CBX1: variants seen among roughly 807,000 people sequenced by gnomAD.
CBX1 encodes the protein chromobox protein homolog 1.
A neutral mutation model predicts 25.1 loss-of-function variants in CBX1; 10 were observed. That is an observed-to-expected ratio of 0.40 (90% CI 0.25 to 0.68). CBX1 has a LOEUF of 0.68. Among genes scored for constraint, CBX1 ranks in the 30% least tolerant of loss-of-function variants. The pLI, the probability that CBX1 is intolerant of heterozygous loss-of-function variation, is 0.40. For missense variants in CBX1, 106 were observed against 218.5 expected, an observed-to-expected ratio of 0.49 and a Z score of 3.25; for synonymous variants, 63 against 79.4, an observed-to-expected ratio of 0.79 and a Z score of 1.10.
intron 1 of CBX1, among the ~76,000 whole-genome samples, chr17:48,098,529 C>T (rs1312637272): frequency 6.6e-6 from 1 of 152,152 alleles, no homozygotes; most frequent in Non-Finnish European, 1.5e-5. Flanking sequence ...CAGAGTTTCG[C>T]TCTTGTTGCC....
intron 1 of CBX1, chr17:48,088,136 C>T (rs1352984665): frequency 1.3e-5 from 2 of 151,562 alleles, no homozygotes; most frequent in Admixed American, 1.3e-4. Flanking sequence ...TAGTGAAACC[C>T]CCATCTCTAC....
intron 1 of CBX1, among the ~76,000 whole-genome samples, chr17:48,086,238 A>T (rs1216408275): frequency 6.6e-6 from 1 of 152,184 alleles, no homozygotes; most frequent in Non-Finnish European, 1.5e-5. Context: ...TGCACTGAGG[A>T]GCTAGAAAAT....
chr17:48,076,854 G>A lies in CBX1; in HGVS notation c.140+11C>T, dbSNP rs778281950. The A allele has an allele frequency of 8.7e-6, 14 of 1,606,790 alleles. No individual in the cohort carries two copies. Among genetic ancestry groups the A allele is most frequent in the South Asian group, 1.1e-5 (1 of 90,154 alleles). ...GTGGTGGCTACATTTACCTGTGTCA[G>A]TGAAACTTACTCTGAGAATCCCTTC... On this transcript the variant is annotated intron_variant, in intron 2 of 4. Transcript: ENST00000225603.
At position 48,071,413 on chromosome 17, in the gene CBX1, CAG is replaced by C. The variant is rs746125356; in HGVS notation, c.*20_*21del. The C allele has an allele frequency of 1.3e-5, 20 of 1,587,478 alleles. No individual in the cohort carries two copies. Among genetic ancestry groups the C allele is most frequent in the South Asian group, 5.7e-5 (5 of 87,058 alleles). On this transcript the variant is annotated 3_prime_UTR_variant, in exon 5 of 5. Coordinates refer to ENST00000225603, the MANE Select transcript of CBX1 (RefSeq NM_001127228.2). ...ACTTGAAACCCACAGTCAGATGTGA[CAG>C]GGGCTGGTACTCAGGAGCGTTAGTT...
chr17:48,098,450 G>A (rs1419867062), intron 1 of CBX1, among the ~76,000 whole-genome samples: 1 of 152,104 alleles, frequency 6.6e-6, no homozygotes, highest in African/African-American at 2.4e-5. Context: ...AATCTGAACG[G>A]CCTACTATGT....
intron 1 of CBX1, among the ~76,000 whole-genome samples, chr17:48,088,983 C>T (rs910086260): frequency 6.6e-6 from 1 of 151,590 alleles, no homozygotes; most frequent in Non-Finnish European, 1.5e-5. Context: ...CAATAAAACA[C>T]AAAACAAAAC....
At chr17:48,096,736 C>T (rs1431329738) in intron 1 of CBX1, among the ~76,000 whole-genome samples, 1 of 151,760 alleles carries the variant, frequency 6.6e-6, no homozygotes, top group Non-Finnish European at 1.5e-5. Flanking sequence ...GTGGAGTGCA[C>T]CACTGCACTC....
chr17:48,076,821 A>AT (rs1358104941), intron 2 of CBX1, 44 bp downstream of exon 2: 1 of 1,577,812 alleles, frequency 6.3e-7, no homozygotes, highest in African/African-American at 1.3e-5. Flanking sequence ...TAGACTCCTG[A>AT]TAAACACGTG....
At position 48,076,901 on chromosome 17, in the gene CBX1, T is replaced by C; in HGVS notation, c.104A>G (p.Lys35Arg). 1.9e-6 allele frequency: 3 copies of C among 1,613,104 alleles called. No homozygotes were observed. Among genetic ancestry groups the C allele is most frequent in the Middle Eastern group, 1.8e-4 (1 of 5,522 alleles). ...KVLDRRVVKG[K>R]VEYLLKWKGF... Reference sequence around the variant, plus strand: ...CTTCCACTTTAGGAGGTACTCCACTTTGCCCTTTACCACTCGACGGTCGAG... The same window carrying C: ...CTTCCACTTTAGGAGGTACTCCACTCTGCCCTTTACCACTCGACGGTCGAG... The change falls in exon 2 of 5, where the codon AAA (lysine) becomes AGA (arginine). Residue 35 changes from lysine (K) to arginine (R), a missense_variant. Coordinates refer to ENST00000225603, the MANE Select transcript of CBX1 (RefSeq NM_001127228.2).
intron 1 of CBX1, among the ~76,000 whole-genome samples, chr17:48,085,544 G>T (rs780515316): frequency 2.1e-5 from 3 of 141,132 alleles, no homozygotes; most frequent in Non-Finnish European, 3.0e-5. Flanking sequence ...AAAAGACCTT[G>T]AAAGGTATGG....
chr17:48,092,216 C>T lies in CBX1; in HGVS notation c.-38+9052G>A, dbSNP rs996535709. 4.0e-5 allele frequency among the ~76,000 whole-genome samples: 6 copies of T among 151,834 alleles called. No individual in the cohort carries two copies. The East Asian group carries it at 1.2e-3, about 30-fold the overall frequency. On this transcript the variant is annotated intron_variant, in intron 1 of 4. Coordinates refer to ENST00000225603, the MANE Select transcript of CBX1 (RefSeq NM_001127228.2). ...TGTTGGTCAGGCTGGTCTCGAACTC[C>T]TGACCTCGGGTAATCTGCCCGCCTC...
intron 1 of CBX1, among the ~76,000 whole-genome samples, chr17:48,080,783 T>C (rs2037722422): frequency 6.6e-6 from 1 of 150,444 alleles, no homozygotes; most frequent in African/African-American, 2.4e-5. Flanking sequence ...TAGCTGGGTA[T>C]GGTGGCGCTC....
intron 1 of CBX1, among the ~76,000 whole-genome samples, chr17:48,095,210 A>G (rs2063367247): frequency 6.6e-6 from 1 of 152,132 alleles, no homozygotes; most frequent in Non-Finnish European, 1.5e-5. Flanking sequence ...TTCCCAAAGC[A>G]TTCTGTTTCT....
At chr17:48,096,138 C>CA (rs1437997717) in intron 1 of CBX1, among the ~76,000 whole-genome samples, 2 of 152,188 alleles carry the variant, frequency 1.3e-5, no homozygotes, top group Non-Finnish European at 2.9e-5. Flanking sequence ...CTAGGCCTCC[C>CA]ATAGTGCTGG....
At chr17:48,075,510 G>A (rs1195142003) in intron 3 of CBX1, among the ~76,000 whole-genome samples, 1 of 152,010 alleles carries the variant, frequency 6.6e-6, no homozygotes, top group African/African-American at 2.4e-5. Flanking sequence ...AAACTCTTTT[G>A]CCAATATTTC....
chr17:48,073,805 CGAAA>C (rs1171979832), intron 4 of CBX1, among the ~76,000 whole-genome samples: 1 of 103,586 alleles, frequency 9.7e-6, no homozygotes, highest in Non-Finnish European at 1.8e-5. Flanking sequence ...CCAGCCTGGG[CGAAA>C]GAGTGAGACT....
At chr17:48,100,784 C>CAT in intron 1 of CBX1, 5 of 985,548 alleles carry the variant, frequency 5.1e-6, no homozygotes, top group Non-Finnish European at 6.0e-6. Flanking sequence ...TCTTCCAATT[C>CAT]ACTCGACGTT....
rs762792378 is a variant in CBX1, at chr17:48,070,208, G to A, written c.*1227C>T. ...AGTCTAGACAATATCAAGAACTGAT[G>A]GTTCTCATGACTCAAGACAGAGCAT... On this transcript the variant is annotated 3_prime_UTR_variant, in exon 5 of 5. Coordinates refer to ENST00000225603, the MANE Select transcript of CBX1 (RefSeq NM_001127228.2). 3 of 152,636 alleles carry A rather than the reference G, an allele frequency of 2.0e-5. No homozygotes were observed. The highest frequency in any genetic ancestry group is 4.4e-5 in the Non-Finnish European group (3 of 68,038). 9.5% of individuals were successfully genotyped at this position (152,636 alleles called of 1,614,324 possible). A position where few individuals can be genotyped will look rare whatever the true frequency, so the allele number is the denominator to read the frequency against.
intron 1 of CBX1, among the ~76,000 whole-genome samples, chr17:48,094,462 G>T (rs72825517): frequency 0.14 from 21,175 of 150,868 alleles, 2,035 homozygotes; most frequent in Non-Finnish European, 0.21. Flanking sequence ...GCTGGGCTCT[G>T]TGGCCCACAC....
Sources: allele counts gnomAD v4.1 joint callset (sites outside exome capture counted in the v4.1 genomes callset), GRCh38; gene constraint gnomAD v4.1.1; transcripts MANE v1.5; gene names NCBI Gene and HGNC (gene_info 2026-07-23, HGNC 2026-07-21).